NBAS: variants seen among roughly 807,000 people sequenced by gnomAD.
The protein encoded by NBAS is NAG/BC035112 fusion.
A neutral mutation model predicts 302.5 loss-of-function variants in NBAS; 219 were observed. The ratio of observed to expected loss-of-function variants is 0.72; its 90% CI spans 0.65 to 0.81. NBAS has a LOEUF of 0.81. Ranked by LOEUF, NBAS falls within the 30% of genes least tolerant of loss-of-function variation. The probability of loss-of-function intolerance (pLI) is 0.00; values close to 1 mark genes in which losing one functional copy is unlikely to be tolerated. For synonymous variants in NBAS, 1,118 were observed against 1,021.6 expected (o/e 1.09, Z -1.80); for missense variants, 2,932 against 2,841.6 (o/e 1.03, Z -0.72).
At chr2:14,970,460 C>G in the NBAS span, among the ~76,000 whole-genome samples, 66 of 152,230 alleles carry the variant, frequency 4.3e-4, 1 homozygote, top group South Asian at 0.013. Context: ...AATAACAGCA[C>G]CTAACATATT....
intron 35 of NBAS, among the ~76,000 whole-genome samples, chr2:15,336,708 C>T (rs895746142): frequency 1.1e-4 from 16 of 151,194 alleles, no homozygotes; most frequent in African/African-American, 1.7e-4. Flanking sequence ...CGAGTCTGGG[C>T]GACAGAACAA....
intron 11 of NBAS, among the ~76,000 whole-genome samples, chr2:15,502,524 C>T (rs770135647): frequency 6.6e-6 from 1 of 152,232 alleles, no homozygotes; most frequent in Non-Finnish European, 1.5e-5. Flanking sequence ...CATGAACCTG[C>T]TCAGCATGCT....
chr2:14,825,195 C>T, the NBAS span, among the ~76,000 whole-genome samples: 9 of 152,154 alleles, frequency 5.9e-5, no homozygotes, highest in Admixed American at 1.3e-4. Flanking sequence ...CATCAATGTG[C>T]TTCATGATGC....
the NBAS span, among the ~76,000 whole-genome samples, chr2:14,884,183 G>A: frequency 4.6e-5 from 7 of 151,990 alleles, no homozygotes; most frequent in African/African-American, 7.3e-5. Flanking sequence ...CATTTTGAGC[G>A]TAGTTAATGT....
At chr2:14,999,538 A>T in the NBAS span, among the ~76,000 whole-genome samples, 1 of 152,044 alleles carries the variant, frequency 6.6e-6, no homozygotes, top group Non-Finnish European at 1.5e-5. Flanking sequence ...GTTGTTTAAA[A>T]GCATGTAGCG....
intron 44 of NBAS, among the ~76,000 whole-genome samples, chr2:15,267,762 GTATT>G (rs1262674991): frequency 6.6e-6 from 1 of 152,048 alleles, no homozygotes; most frequent in Non-Finnish European, 1.5e-5. Context: ...ACACATACAT[GTATT>G]TTATTCAGCT....
chr2:15,336,211 C>T (rs1445648890), intron 35 of NBAS, among the ~76,000 whole-genome samples: 1 of 152,126 alleles, frequency 6.6e-6, no homozygotes, highest in Non-Finnish European at 1.5e-5. Context: ...CACTTCTACC[C>T]ACTCAAATAT....
chr2:15,479,525 A>AG (rs1211991634), intron 12 of NBAS, among the ~76,000 whole-genome samples: 1 of 152,142 alleles, frequency 6.6e-6, no homozygotes, highest in Non-Finnish European at 1.5e-5. Flanking sequence ...AGAGTAAAAA[A>AG]CCTTAAGCCC....
intron 38 of NBAS, among the ~76,000 whole-genome samples, chr2:15,311,358 G>T (rs1671267394): frequency 6.6e-6 from 1 of 152,156 alleles, no homozygotes; most frequent in South Asian, 2.1e-4. Context: ...TATGCAAAGT[G>T]CAGAGCATCA....
chr2:15,426,116 G>A (rs1433103632), intron 22 of NBAS, among the ~76,000 whole-genome samples: 1 of 152,202 alleles, frequency 6.6e-6, no homozygotes, highest in East Asian at 1.9e-4. Flanking sequence ...ACCTTTAGGT[G>A]TTTAACTTCA....
intron 39 of NBAS, 96 bp from the exon 40 acceptor site, chr2:15,308,449 T>A: frequency 6.7e-7 from 1 of 1,484,588 alleles, no homozygotes; most frequent in Non-Finnish European, 9.2e-7. Flanking sequence ...AGATTTTTTG[T>A]ACAAAGTTCC....
In NBAS at chr2:15,473,277, T is replaced by TATACA; in HGVS notation, c.1665_1669dup (p.Tyr557LeufsTer21). 1.2e-6 allele frequency: 2 copies of TATACA among 1,614,114 alleles called. No homozygotes were observed. The highest frequency in any genetic ancestry group is 1.7e-6 in the Non-Finnish European group (2 of 1,179,962). Reference sequence around the variant, plus strand: ...CGCTGACTTCCTCCACTGCCTCTGATATACAAGGTCAGTATCCAGGCCGTA... The same window carrying TATACA: ...CGCTGACTTCCTCCACTGCCTCTGATATACAATACAAGGTCAGTATCCAGGCCGTA... On this transcript the variant is annotated frameshift_variant, in exon 16 of 52. Coordinates refer to ENST00000281513, the MANE Select transcript of NBAS (RefSeq NM_015909.4). LOFTEE classifies it high-confidence loss of function.
intron 21 of NBAS, among the ~76,000 whole-genome samples, chr2:15,452,030 A>G (rs1372444988): frequency 6.6e-6 from 1 of 152,038 alleles, no homozygotes; most frequent in Non-Finnish European, 1.5e-5. Context: ...ATGAACAAGT[A>G]CTGTATTTCC....
At position 15,321,671 on chromosome 2, in the gene NBAS, G is replaced by T. The variant is rs892928541; in HGVS notation, c.4582+6079C>A. ...CATTATCACTGGCCATCAGAGAAAT[G>T]CAAATCAAAACCACAATGAGATACC... On this transcript the variant is annotated intron_variant, in intron 38 of 51. Transcript: ENST00000281513. Among the ~76,000 whole-genome samples the T allele has an allele frequency of 3.9e-4, 60 of 152,272 alleles. 1 individual carries two copies. Among genetic ancestry groups the T allele is most frequent in the African/African-American group, 1.4e-3 (57 of 41,552 alleles).
chr2:14,780,081 G>A, the NBAS span, among the ~76,000 whole-genome samples: 2 of 152,102 alleles, frequency 1.3e-5, no homozygotes, highest in African/African-American at 2.4e-5. Flanking sequence ...CTGAAAGAAA[G>A]GCAACTTCCA....
intron 12 of NBAS, among the ~76,000 whole-genome samples, chr2:15,488,558 C>T (rs1375774165): frequency 6.6e-6 from 1 of 152,124 alleles, no homozygotes; most frequent in East Asian, 1.9e-4. Context: ...ATTTGACCCT[C>T]CAAATCCTTG....
At chr2:14,962,723 G>T in the NBAS span, among the ~76,000 whole-genome samples, 1 of 151,998 alleles carries the variant, frequency 6.6e-6, no homozygotes, top group Non-Finnish European at 1.5e-5. Context: ...GACGTATAAG[G>T]TCATTAGCCA....
the NBAS span, among the ~76,000 whole-genome samples, chr2:14,824,109 TGTC>T: frequency 6.6e-6 from 1 of 152,208 alleles, no homozygotes; most frequent in Non-Finnish European, 1.5e-5. Flanking sequence ...TCTCAGCAAC[TGTC>T]GTCCCCACCC....
chr2:14,883,758 C>T, the NBAS span, among the ~76,000 whole-genome samples: 2 of 151,794 alleles, frequency 1.3e-5, no homozygotes, highest in Non-Finnish European at 2.9e-5. Context: ...TCTTTTGATC[C>T]TAGGAATTCA....
Sources: allele counts gnomAD v4.1 joint callset (sites outside exome capture counted in the v4.1 genomes callset), GRCh38; gene constraint gnomAD v4.1.1; transcripts MANE v1.5; gene names NCBI Gene and HGNC (gene_info 2026-07-23, HGNC 2026-07-21).